CLIC4: variants seen among roughly 807,000 people sequenced by gnomAD.
CLIC4 encodes the protein CLIC family member 4.
In CLIC4, 13 loss-of-function variants were observed where a neutral mutation model predicts 24.6. That is an observed-to-expected ratio of 0.53 (90% CI 0.34 to 0.84). The LOEUF (loss-of-function observed/expected upper bound fraction) is 0.84, where lower values mean the gene tolerates loss of function less well. Among genes scored for constraint, CLIC4 ranks in the 40% least tolerant of loss-of-function variants. The pLI is 0.01. For missense variants in CLIC4, 227 were observed against 301.7 expected (o/e 0.75, Z 1.83); for synonymous variants, 104 against 111.3 (o/e 0.93, Z 0.41).
intron 1 of CLIC4, among the ~76,000 whole-genome samples, chr1:24,769,744 A>G (rs1409435164): frequency 2.6e-5 from 4 of 152,218 alleles, no homozygotes; most frequent in Non-Finnish European, 5.9e-5. Context: ...AAAATTTGAA[A>G]GGCAACTAAA....
chr1:24,797,155 T>C (rs970123282), intron 1 of CLIC4, among the ~76,000 whole-genome samples: 1 of 151,196 alleles, frequency 6.6e-6, no homozygotes, highest in Middle Eastern at 3.2e-3. Flanking sequence ...GGTTTCACCA[T>C]ATTGGCCAGG....
intron 1 of CLIC4, among the ~76,000 whole-genome samples, chr1:24,791,700 A>ACACT (rs1639339895): frequency 6.6e-6 from 1 of 152,268 alleles, no homozygotes; most frequent in Admixed American, 6.5e-5. Context: ...ACATGGTGAA[A>ACACT]CACTGTCTCT....
At chr1:24,825,762 A>T (rs918018154) in intron 3 of CLIC4, among the ~76,000 whole-genome samples, 10 of 152,242 alleles carry the variant, frequency 6.6e-5, no homozygotes, top group Non-Finnish European at 1.3e-4. Flanking sequence ...AAGATACATG[A>T]ATATAAAAGC....
rs1264673316 is a variant in CLIC4 at position 24,745,599 on chromosome 1, G to C, written c.46G>C (p.Glu16Gln). Residue 16 changes from glutamate (E) to glutamine (Q), a missense_variant, in exon 1 of 6, where the codon GAG (glutamate) becomes CAG (glutamine). Coordinates refer to ENST00000374379, the MANE Select transcript of CLIC4 (RefSeq NM_013943.3). ...GAATGGGCTGAAGGAGGAGGACAAA[G>C]AGCCCCTCATCGAGCTCTTCGTCAA... is the stretch of plus-strand genomic sequence containing the variant. ...PLNGLKEEDK[E>Q]PLIELFVKAG... The C allele has an allele frequency of 6.3e-7, 1 of 1,583,922 alleles. No individual in the cohort carries two copies. The highest frequency in any genetic ancestry group is 1.8e-5 in the Admixed American group (1 of 56,278).
intron 1 of CLIC4, among the ~76,000 whole-genome samples, chr1:24,751,841 G>A (rs879628152): frequency 4.6e-5 from 7 of 152,182 alleles, no homozygotes; most frequent in African/African-American, 1.2e-4. Context: ...TCCAGCCTGA[G>A]GGACAAGAGC....
intron 2 of CLIC4, among the ~76,000 whole-genome samples, chr1:24,802,385 A>G (rs1639500855): frequency 6.6e-6 from 1 of 152,156 alleles, no homozygotes; most frequent in African/African-American, 2.4e-5. Context: ...GTGTTTATAT[A>G]TATAAAAAGT....
At chr1:24,810,264 A>G (rs1275014677) in intron 2 of CLIC4, among the ~76,000 whole-genome samples, 1 of 152,208 alleles carries the variant, frequency 6.6e-6, no homozygotes, top group Non-Finnish European at 1.5e-5. Flanking sequence ...TCAGTATCCA[A>G]GTAATTTCTA....
intron 2 of CLIC4, among the ~76,000 whole-genome samples, chr1:24,802,752 G>A (rs12749134): frequency 0.033 from 4,763 of 143,148 alleles, 93 homozygotes; most frequent in Middle Eastern, 0.067. Context: ...CTCTGTCACC[G>A]AGGCTGGAGT....
At chr1:24,778,363 T>A (rs1639165463) in intron 1 of CLIC4, among the ~76,000 whole-genome samples, 1 of 152,150 alleles carries the variant, frequency 6.6e-6, no homozygotes, top group South Asian at 2.1e-4. Flanking sequence ...AAAACTAGTT[T>A]TATATAGTGC....
chr1:24,809,746 C>T (rs1050686869), intron 2 of CLIC4, among the ~76,000 whole-genome samples: 26 of 152,252 alleles, frequency 1.7e-4, no homozygotes, highest in African/African-American at 6.0e-4. Flanking sequence ...CAAGCATGAG[C>T]CACCATGCCC....
chr1:24,758,799 ATTTATT>A lies in CLIC4; in HGVS notation c.72+13190_72+13195del, dbSNP rs1389061024. On this transcript the variant is annotated intron_variant, in intron 1 of 5. Coordinates refer to ENST00000374379, the MANE Select transcript of CLIC4 (RefSeq NM_013943.3). Reference sequence around the variant, plus strand: ...AATAAGTTTGCATGAATTATTATTTATTTATTTTTATTTTTATTTTTTTATTTTTGC... The same window carrying A: ...AATAAGTTTGCATGAATTATTATTTATTTATTTTTATTTTTTTATTTTTGC... Among the ~76,000 whole-genome samples, 9 of 151,730 alleles carry A rather than the reference ATTTATT, an allele frequency of 5.9e-5. No homozygotes were observed. In the South Asian group the frequency reaches 1.5e-3, roughly 24 times the overall value.
chr1:24,801,409 A>C (rs1427331271), intron 2 of CLIC4, among the ~76,000 whole-genome samples: 1 of 152,188 alleles, frequency 6.6e-6, no homozygotes, highest in African/African-American at 2.4e-5. Context: ...ATTTTTAAAC[A>C]ACCAGATCTT....
At chr1:24,792,667 TGAA>T (rs1639353930) in intron 1 of CLIC4, among the ~76,000 whole-genome samples, 1 of 152,192 alleles carries the variant, frequency 6.6e-6, no homozygotes, top group South Asian at 2.1e-4. Flanking sequence ...AGGTCCGTCT[TGAA>T]GAATATGCAT....
chr1:24,800,917 C>CAT (rs1324873575), intron 2 of CLIC4, among the ~76,000 whole-genome samples: 1 of 148,836 alleles, frequency 6.7e-6, no homozygotes, highest in Non-Finnish European at 1.5e-5. Context: ...TAATCAGGGA[C>CAT]AAACACTGCG....
At chr1:24,804,908 T>C (rs1220799323) in intron 2 of CLIC4, among the ~76,000 whole-genome samples, 2 of 151,792 alleles carry the variant, frequency 1.3e-5, no homozygotes, top group East Asian at 3.9e-4. Flanking sequence ...AAGACCACCC[T>C]GGCCAACATG....
chr1:24,749,893 G>A (rs898463076), intron 1 of CLIC4, among the ~76,000 whole-genome samples: 3 of 151,884 alleles, frequency 2.0e-5, no homozygotes, highest in South Asian at 2.1e-4. Flanking sequence ...CTAGGAGTTC[G>A]AGACCAGCCT....
intron 3 of CLIC4, among the ~76,000 whole-genome samples, chr1:24,816,234 GTTTTTT>G (rs71752506): frequency 1.4e-4 from 9 of 62,150 alleles, no homozygotes; most frequent in East Asian, 6.4e-4. Context: ...GAATGTTCGT[GTTTTTT>G]TTTTTTTTTT....
At chr1:24,760,244 TA>T (rs1638910600) in intron 1 of CLIC4, among the ~76,000 whole-genome samples, 1 of 151,814 alleles carries the variant, frequency 6.6e-6, no homozygotes, top group Non-Finnish European at 1.5e-5. Context: ...CGGGTGCCTG[TA>T]ATTTCAGCTA....
chr1:24,825,145 C>T (rs1639775344), intron 3 of CLIC4, among the ~76,000 whole-genome samples: 1 of 152,072 alleles, frequency 6.6e-6, no homozygotes, highest in South Asian at 2.1e-4. Flanking sequence ...TAATTCAAGC[C>T]TGCCTTCCCG....
Sources: allele counts gnomAD v4.1 joint callset (sites outside exome capture counted in the v4.1 genomes callset), GRCh38; gene constraint gnomAD v4.1.1; transcripts MANE v1.5; gene names NCBI Gene and HGNC (gene_info 2026-07-23, HGNC 2026-07-21).